BCCIP: variants seen among roughly 807,000 people sequenced by gnomAD.
BCCIP encodes BRCA2 and CDKN1A-interacting protein.
Under a neutral mutation model 32.8 loss-of-function variants are expected in BCCIP, and 23 were observed. The ratio of observed to expected loss-of-function variants is 0.70; its 90% CI spans 0.51 to 0.99. BCCIP has a LOEUF of 0.99. BCCIP is among the 50% of genes least tolerant of loss of function. The pLI is 0.00. For synonymous variants in BCCIP, 144 were observed against 137.6 expected, an observed-to-expected ratio of 1.05 and a Z score of -0.33; for missense variants, 378 against 379.8, an observed-to-expected ratio of 1.00 and a Z score of 0.04.
chr10:125,831,326 A>T (rs1235817268), intron 4 of BCCIP, 94 bp from the exon 5 acceptor site: 17 of 1,263,268 alleles, frequency 1.3e-5, no homozygotes. Context: ...AACTGCCCTT[A>T]GCTGTAAGAT....
downstream of BCCIP, among the ~76,000 whole-genome samples, chr10:125,845,054 C>A (rs1048128054): frequency 6.6e-6 from 1 of 152,204 alleles, no homozygotes; most frequent in African/African-American, 2.4e-5. Context: ...AACCTAGTTA[C>A]AAAGAGGTCA....
downstream of BCCIP, among the ~76,000 whole-genome samples, chr10:125,844,490 C>T (rs189106124): frequency 6.6e-6 from 1 of 152,250 alleles, no homozygotes; most frequent in East Asian, 1.9e-4. Flanking sequence ...CCTGGTCCTA[C>T]AACAGAAAAG....
chr10:125,843,883 C>A (rs1024728820), downstream of BCCIP, among the ~76,000 whole-genome samples: 1 of 152,206 alleles, frequency 6.6e-6, no homozygotes. Context: ...GCAGGGAACC[C>A]AGACATCCGC....
At position 125,823,584 on chromosome 10, in the gene BCCIP, C is replaced by G. The variant is rs200404406; in HGVS notation, c.27C>G (p.Ala9=). Residue 9 remains alanine (A), a synonymous_variant, in exon 1 of 7, where the codon GCC becomes GCG. Coordinates refer to ENST00000278100, the MANE Select transcript of BCCIP (RefSeq NM_078468.3). MASRSKRR[A]VESGVPQPPD... ...TGGCGTCCAGGTCTAAGCGGCGTGC[C>G]GTGGAAAGTGGGGTTCCGCAGCCGC... 3.1e-6 allele frequency: 5 copies of G among 1,613,906 alleles called. No homozygotes were observed. Among genetic ancestry groups the G allele is most frequent in the African/African-American group, 1.3e-5 (1 of 75,010 alleles).
At chr10:125,833,220 A>T (rs965383928) in intron 5 of BCCIP, among the ~76,000 whole-genome samples, 1 of 152,116 alleles carries the variant, frequency 6.6e-6, no homozygotes, top group Admixed American at 6.5e-5. Flanking sequence ...GCACAAGGCT[A>T]TGTTTAATTT....
chr10:125,848,713 C>T (rs1342338214), intron 7 of BCCIP, among the ~76,000 whole-genome samples: 2 of 152,200 alleles, frequency 1.3e-5, no homozygotes, highest in Non-Finnish European at 2.9e-5. Flanking sequence ...ACTGCTCTTT[C>T]TAGGACCCTC....
chr10:125,843,171 G>C (rs1205636608), downstream of BCCIP, among the ~76,000 whole-genome samples: 1 of 152,092 alleles, frequency 6.6e-6, no homozygotes, highest in Non-Finnish European at 1.5e-5. Flanking sequence ...CCACTAGGTT[G>C]GTTTTGTTTT....
At chr10:125,833,983 A>G in intron 6 of BCCIP, 37 bp downstream of exon 6, 1 of 1,598,012 alleles carries the variant, frequency 6.3e-7, no homozygotes, top group Non-Finnish European at 8.6e-7. Flanking sequence ...GATGTAAATA[A>G]GGATTTTCTT....
At position 125,835,994 on chromosome 10, in the gene BCCIP, C is replaced by G. The variant is rs963045596; in HGVS notation, c.775-110C>G. 6.1e-6 allele frequency: 6 copies of G among 990,816 alleles called. No homozygotes were observed. In the African/African-American group the frequency reaches 9.9e-5, roughly 16 times the overall value. The allele number at this position is 990,816 out of a possible 1,614,324, so 61.4% of individuals were successfully genotyped here. On this transcript the variant is annotated intron_variant, in intron 6 of 6. Transcript: ENST00000278100. ...TTCTGAGTTTTGCTTTTTTTTAGCT[C>G]TCATTCTTATTTAAGCATATGCCAA...
chr10:125,834,003 T>G (rs3740206), intron 6 of BCCIP, 57 bp downstream of exon 6: 710,161 of 1,562,288 alleles, frequency 0.45, 163,814 homozygotes, highest in Non-Finnish European at 0.48. Context: ...TGAAAATGAT[T>G]TATCAAGATT....
intron 3 of BCCIP, among the ~76,000 whole-genome samples, chr10:125,827,967 GAAAAAA>G (rs11296499): frequency 4.8e-5 from 3 of 62,306 alleles, no homozygotes; most frequent in Admixed American, 2.0e-4. Context: ...CCCTATATCT[GAAAAAA>G]AAAAAAAAAA....
chr10:125,836,084 T>C lies in BCCIP; in HGVS notation c.775-20T>C, dbSNP rs760270580. On this transcript the variant is annotated intron_variant, in intron 6 of 6. Transcript: ENST00000278100. ...TTGGGTTGTCCCGATTTTTAATTCA[T>C]GGTTACTTATTTGGTTTAGAAGGCA... 6.3e-7 allele frequency: 1 copy of C among 1,592,236 alleles called. No individual in the cohort carries two copies. Among genetic ancestry groups the C allele is most frequent in the Non-Finnish European group, 8.6e-7 (1 of 1,162,204 alleles).
Position 125,836,348 on chromosome 10 carries a change from A to G in BCCIP, c.*74A>G, listed in dbSNP as rs1854683882. On this transcript the variant is annotated 3_prime_UTR_variant, in exon 7 of 7. Coordinates refer to ENST00000278100, the MANE Select transcript of BCCIP (RefSeq NM_078468.3). ...AAACTCAGTGGAGATTTACTGAAAA[A>G]CTCAGACTTTATTCAGATTAAGTTC... is the stretch of plus-strand genomic sequence containing the variant. 3.7e-6 allele frequency: 6 copies of G among 1,607,120 alleles called. No individual in the cohort carries two copies. The South Asian group carries it at 6.7e-5, about 18-fold the overall frequency.
intron 1 of BCCIP, among the ~76,000 whole-genome samples, chr10:125,824,541 C>T (rs1426951170): frequency 6.6e-6 from 1 of 152,338 alleles, no homozygotes; most frequent in African/African-American, 2.4e-5. Flanking sequence ...AACTTTAATT[C>T]CTCCCTTTCC....
chr10:125,839,313 G>T, downstream of BCCIP: 2 of 933,882 alleles, frequency 2.1e-6, no homozygotes, highest in Non-Finnish European at 3.1e-6. Flanking sequence ...CCACGTAGGT[G>T]AGTGGCAGGA....
At chr10:125,839,158 A>G (rs763488463), downstream of BCCIP, 3 of 1,614,234 alleles carry the variant, frequency 1.9e-6, no homozygotes, top group East Asian at 6.7e-5. Context: ...ACAGTTGAGG[A>G]AGTAATCACG....
chr10:125,852,377 CCTGCATTT>C (rs1944102403), intron 7 of BCCIP: 3 of 1,614,228 alleles, frequency 1.9e-6, no homozygotes, highest in Non-Finnish European at 1.7e-6. Context: ...AGGTTGGCTT[CCTGCATTT>C]CTGCTGGCTT....
intron 1 of BCCIP, among the ~76,000 whole-genome samples, chr10:125,824,918 T>C (rs1320508150): frequency 1.3e-5 from 2 of 152,222 alleles, no homozygotes; most frequent in African/African-American, 2.4e-5. Context: ...TAATCATGAG[T>C]CATGATGAGC....
chr10:125,853,033 G>C (rs1944111549), intron 7 of BCCIP: 1 of 892,816 alleles, frequency 1.1e-6, no homozygotes, highest in African/African-American at 1.7e-5. Context: ...CAGGATCTTG[G>C]TGGTCTCACC....
Sources: allele counts gnomAD v4.1 joint callset (sites outside exome capture counted in the v4.1 genomes callset), GRCh38; gene constraint gnomAD v4.1.1; transcripts MANE v1.5; gene names NCBI Gene and HGNC (gene_info 2026-07-23, HGNC 2026-07-21).